FILIP1: variants seen among roughly 807,000 people sequenced by gnomAD.
FILIP1 encodes filamin-A-interacting protein 1.
FILIP1 carries 61 observed loss-of-function variants against 102.1 expected under a neutral mutation model. The observed-to-expected ratio is 0.60, with a 90% CI of 0.49 to 0.74. The LOEUF is 0.74. FILIP1 is among the 30% of genes least tolerant of loss of function. FILIP1 has a pLI of 0.00. For synonymous variants in FILIP1, 491 were observed against 526.9 expected, an observed-to-expected ratio of 0.93 and a Z score of 0.93; for missense variants, 1,314 against 1,441.2, an observed-to-expected ratio of 0.91 and a Z score of 1.43.
downstream of FILIP1, among the ~76,000 whole-genome samples, chr6:75,307,208 A>G (rs534055739): frequency 6.6e-6 from 1 of 152,310 alleles, no homozygotes; most frequent in Admixed American, 6.5e-5. Context: ...TACCACCACT[A>G]TATACAATTC....
Position 75,362,860 on chromosome 6 carries a change from C to T in FILIP1, c.334G>A (p.Glu112Lys), listed in dbSNP as rs1775215017. Residue 112 changes from glutamate to lysine, a missense_variant, in exon 3 of 6, where the codon GAG (glutamate) becomes AAG (lysine). Physicochemically the swap from Glu to Lys is moderately conservative, Grantham distance 56 (BLOSUM62 1). Transcript: ENST00000237172. Reference sequence around the variant, plus strand: ...GGCTCCGCAGACCCGTAATGAGCCTCCAGAACCTCAGGCTTGGTTTTCTCT... The same window carrying T: ...GGCTCCGCAGACCCGTAATGAGCCTTCAGAACCTCAGGCTTGGTTTTCTCT... ...KTEKTKPEVL[E>K]AHYGSAEPEK... The T allele has an allele frequency of 6.2e-7, 1 of 1,613,846 alleles. No individual in the cohort carries two copies. The highest frequency in any genetic ancestry group is 1.3e-5 in the African/African-American group (1 of 74,858).
chr6:75,342,645 G>A (rs969792244), intron 4 of FILIP1, among the ~76,000 whole-genome samples: 1 of 152,268 alleles, frequency 6.6e-6, no homozygotes, highest in East Asian at 1.9e-4. Flanking sequence ...CATTAGGAAG[G>A]TGGATGAGAG....
intron 5 of FILIP1, among the ~76,000 whole-genome samples, chr6:75,311,478 AGTTTGTTT>A (rs575376242): frequency 1.1e-4 from 16 of 149,848 alleles, no homozygotes; most frequent in Middle Eastern, 3.5e-3. Flanking sequence ...CCTTCCAGCT[AGTTTGTTT>A]GTTTGTTTGT....
At chr6:75,394,274 A>G (rs1582440026) in intron 2 of FILIP1, among the ~76,000 whole-genome samples, 4 of 152,202 alleles carry the variant, frequency 2.6e-5, no homozygotes, top group Admixed American at 2.6e-4. Context: ...AAAGTAGTTC[A>G]CTTTAGGATG....
Position 75,372,685 on chromosome 6 carries a change from G to GAA in FILIP1, c.277-9769_277-9768insTT, listed in dbSNP as rs1235291415. On this transcript the variant is annotated intron_variant, in intron 2 of 5. Transcript: ENST00000237172. ...AGAAAGAAAGAAAGAAAGAAAGAAAGAGAAAGAAAGAGAAAGAAAGAAAGA... is the reference window on the plus strand; with the variant it reads ...AGAAAGAAAGAAAGAAAGAAAGAAAGAAAGAAAGAAAGAGAAAGAAAGAAAGA... 3.0e-3 allele frequency among the ~76,000 whole-genome samples: 70 copies of GAA among 23,424 alleles called. 2 individuals are homozygous for GAA. Among genetic ancestry groups the GAA allele is most frequent in the African/African-American group, 7.1e-3 (28 of 3,940 alleles). 15.4% of individuals were successfully genotyped at this position (23,424 alleles called of 152,430 possible).
chr6:75,433,964 GT>G (rs1172085824), intron 1 of FILIP1, among the ~76,000 whole-genome samples: 1 of 152,122 alleles, frequency 6.6e-6, no homozygotes, highest in Admixed American at 6.5e-5. Flanking sequence ...CCCATTTCTT[GT>G]TTTTGTCAGG....
Position 75,345,593 on chromosome 6 carries a change from G to A in FILIP1, c.629+7946C>T, listed in dbSNP as rs1261255809. ...CCATTTGCATAATAAGATTAGGTGG[G>A]GTGACCAGCCTTTTCCGTGCGCTAT... On this transcript the variant is annotated intron_variant, in intron 4 of 5. Transcript: ENST00000237172. Among the ~76,000 whole-genome samples the A allele has an allele frequency of 2.0e-5, 3 of 152,074 alleles. No homozygotes were observed. In the East Asian group the frequency reaches 5.8e-4, roughly 29 times the overall value.
chr6:75,488,097 A>G (rs796508236), intron 1 of FILIP1, among the ~76,000 whole-genome samples: 178 of 152,252 alleles, frequency 1.2e-3, no homozygotes, highest in African/African-American at 4.1e-3. Flanking sequence ...TATTATGCAC[A>G]TTGACACCAC....
chr6:75,398,638 G>A (rs1284302130), intron 2 of FILIP1, among the ~76,000 whole-genome samples: 2 of 152,154 alleles, frequency 1.3e-5, no homozygotes, highest in Admixed American at 1.3e-4. Context: ...GGTTGCACTA[G>A]GCACTTGTAA....
chr6:75,314,706 G>A lies in FILIP1; in HGVS notation c.1126C>T (p.Leu376Phe), dbSNP rs746559220. Residue 376 changes from leucine (L) to phenylalanine (F), a missense_variant, in exon 5 of 6, where the codon CTC becomes TTC. Physicochemically the swap from Leu to Phe is conservative, Grantham distance 22. This residue lies in a region of FILIP1 where 494 missense variants were observed against 511.2 expected (regional missense o/e 0.97). Coordinates refer to ENST00000237172, the MANE Select transcript of FILIP1 (RefSeq NM_015687.5). Reference protein sequence around the residue: ...IAKGECGNSSLMAEVENLRKR... With the variant: ...IAKGECGNSSFMAEVENLRKR... ...CGAAGATTTTCCACTTCTGCCATGAGGCTAGAGTTTCCACATTCTCCTTTG... is the reference window on the plus strand; with the variant it reads ...CGAAGATTTTCCACTTCTGCCATGAAGCTAGAGTTTCCACATTCTCCTTTG... 3 of 1,614,128 alleles carry A rather than the reference G, an allele frequency of 1.9e-6. No individual in the cohort carries two copies. The highest frequency in any genetic ancestry group is 1.7e-5 in the Admixed American group (1 of 60,030).
intron 2 of FILIP1, among the ~76,000 whole-genome samples, chr6:75,410,062 A>G (rs1035075303): frequency 2.0e-5 from 3 of 152,158 alleles, no homozygotes; most frequent in African/African-American, 4.8e-5. Flanking sequence ...GCAATACCAC[A>G]GTATCAGTGA....
rs34022132 is a variant in FILIP1, at chr6:75,492,933, G to C, written c.-7+481C>G. 5.2e-3 allele frequency among the ~76,000 whole-genome samples: 798 copies of C among 152,258 alleles called. 3 individuals are homozygous for C. Among genetic ancestry groups the C allele is most frequent in the Non-Finnish European group, 8.5e-3 (576 of 68,008 alleles). ...GTGTAATCAGAGAATTAGGCAAAAG[G>C]AGACACATGCAACAGCAGGTTTAAA... On this transcript the variant is annotated intron_variant, in intron 1 of 5. Coordinates refer to ENST00000237172, the MANE Select transcript of FILIP1 (RefSeq NM_015687.5).
At chr6:75,481,256 C>A (rs953073241) in intron 1 of FILIP1, among the ~76,000 whole-genome samples, 1 of 152,138 alleles carries the variant, frequency 6.6e-6, no homozygotes, top group Non-Finnish European at 1.5e-5. Flanking sequence ...TAACATTCAC[C>A]ATTGTATCCC....
Position 75,313,490 on chromosome 6 carries a change from C to T in FILIP1, c.2342G>A (p.Arg781His), listed in dbSNP as rs747008532. The T allele has an allele frequency of 2.2e-5, 36 of 1,614,074 alleles. No individual in the cohort carries two copies. The highest frequency in any genetic ancestry group is 1.6e-4 in the Middle Eastern group (1 of 6,084). Reference sequence around the variant, plus strand: ...ACTGGGCCTAAGAGCTCTGCTGTAGCGCTTGGAAAGCTCCAACTCTTTGGT... The same window carrying T: ...ACTGGGCCTAAGAGCTCTGCTGTAGTGCTTGGAAAGCTCCAACTCTTTGGT... The part of the protein sequence containing the change: ...NLTKELELSK[R>H]YSRALRPSVN... Residue 781 changes from arginine to histidine, a missense_variant, in exon 5 of 6, where the codon CGC becomes CAC. This residue lies in a region of FILIP1 where 816 missense variants were observed against 913.1 expected (regional missense o/e 0.89). Transcript: ENST00000237172. This position sits in a 1 kb window ranked among gnomAD's most constrained non-coding sequence, Gnocchi z 4.2.
At chr6:75,441,860 A>G (rs1362028331) in intron 1 of FILIP1, among the ~76,000 whole-genome samples, 8 of 136,556 alleles carry the variant, frequency 5.9e-5, no homozygotes, top group African/African-American at 2.3e-4. Context: ...TCCCTCCCGG[A>G]CGGGGCAGCT....
chr6:75,346,369 A>G (rs1774585139), intron 4 of FILIP1, among the ~76,000 whole-genome samples: 1 of 152,182 alleles, frequency 6.6e-6, no homozygotes, highest in African/African-American at 2.4e-5. Flanking sequence ...CTTTAATCAG[A>G]GGCTGTTAGC....
chr6:75,403,420 C>T (rs1040646385), intron 2 of FILIP1, among the ~76,000 whole-genome samples: 3 of 148,494 alleles, frequency 2.0e-5, no homozygotes, highest in African/African-American at 7.5e-5. Context: ...GGGGCTGAGG[C>T]AAGAGGATCC....
intron 1 of FILIP1, among the ~76,000 whole-genome samples, chr6:75,477,232 CAT>C (rs1335803684): frequency 6.6e-6 from 1 of 151,978 alleles, no homozygotes; most frequent in Non-Finnish European, 1.5e-5. Flanking sequence ...AAGTTTAAGT[CAT>C]AGAAATAGAG....
chr6:75,428,129 A>T (rs1280973318), intron 1 of FILIP1, among the ~76,000 whole-genome samples: 1 of 152,152 alleles, frequency 6.6e-6, no homozygotes, highest in Non-Finnish European at 1.5e-5. Context: ...AACATACTTA[A>T]TTCTCAAATC....
Sources: allele counts gnomAD v4.1 joint callset (sites outside exome capture counted in the v4.1 genomes callset), GRCh38; gene constraint gnomAD v4.1.1; regional missense constraint gnomAD v4.1.1; non-coding constraint Gnocchi (gnomAD v3.1); transcripts MANE v1.5; gene names NCBI Gene and HGNC (gene_info 2026-07-23, HGNC 2026-07-21).